PALM2AKAP2: variants seen among roughly 807,000 people sequenced by gnomAD.
PALM2AKAP2 encodes PALM2-AKAP2 fusion protein.
PALM2AKAP2 carries 37 observed loss-of-function variants against 71.5 expected under a neutral mutation model. That is an observed-to-expected ratio of 0.52 (90% confidence interval 0.40 to 0.68). PALM2AKAP2 has a LOEUF of 0.68. Among genes scored for constraint, PALM2AKAP2 ranks in the 30% least tolerant of loss-of-function variants. The probability of loss-of-function intolerance (pLI) is 0.00; values close to 1 mark genes in which losing one functional copy is unlikely to be tolerated. For missense variants in PALM2AKAP2, 1,224 were observed against 1,191.8 expected, an observed-to-expected ratio of 1.03 and a Z score of -0.40; for synonymous variants, 468 against 478.8, an observed-to-expected ratio of 0.98 and a Z score of 0.29.
chr9:109,946,349 C>A (rs1357364358), intron 6 of PALM2AKAP2: 1 of 152,096 alleles, frequency 6.6e-6, no homozygotes, highest in African/African-American at 2.4e-5. Flanking sequence ...AATTGCAAAA[C>A]CATGATCTTT....
intron 3 of PALM2AKAP2, among the ~76,000 whole-genome samples, chr9:109,910,445 T>C (rs1482462604): frequency 2.0e-5 from 3 of 152,134 alleles, no homozygotes; most frequent in Admixed American, 2.0e-4. Context: ...AGGCTGGACA[T>C]GAGTAGCCAA....
At chr9:109,693,473 C>T (rs1305992474) in intron 1 of PALM2AKAP2, among the ~76,000 whole-genome samples, 2 of 151,762 alleles carry the variant, frequency 1.3e-5, no homozygotes, top group Admixed American at 6.6e-5. Context: ...ATCTTTATTA[C>T]TTCCTTTCTT....
chr9:110,056,376 CATT>C (rs1833841634), intron 1 of PALM2AKAP2, among the ~76,000 whole-genome samples: 1 of 152,206 alleles, frequency 6.6e-6, no homozygotes, highest in Admixed American at 6.5e-5. Context: ...AGAAAGACAT[CATT>C]GTTTAGCCAT....
intron 2 of PALM2AKAP2, among the ~76,000 whole-genome samples, chr9:110,149,104 G>A (rs563455463): frequency 3.9e-5 from 6 of 152,304 alleles, no homozygotes; most frequent in Middle Eastern, 3.4e-3. Flanking sequence ...CACAGCCAAG[G>A]CATGGCTTGC....
intron 5 of PALM2AKAP2, among the ~76,000 whole-genome samples, chr9:109,929,221 C>G (rs1250602325): frequency 1.3e-5 from 2 of 148,342 alleles, no homozygotes; most frequent in East Asian, 4.2e-4. Context: ...AGTATGCAGA[C>G]ACACATGTGA....
At chr9:109,871,501 A>G (rs898423566) in intron 2 of PALM2AKAP2, among the ~76,000 whole-genome samples, 1 of 152,206 alleles carries the variant, frequency 6.6e-6, no homozygotes, top group Non-Finnish European at 1.5e-5. Context: ...GAAAGAATGT[A>G]TAATCATTGC....
chr9:109,742,886 A>C (rs1257979521), intron 1 of PALM2AKAP2, among the ~76,000 whole-genome samples: 1 of 151,902 alleles, frequency 6.6e-6, no homozygotes, highest in Non-Finnish European at 1.5e-5. Context: ...AAAAAATCTC[A>C]CCACAGCCAC....
intron 1 of PALM2AKAP2, among the ~76,000 whole-genome samples, chr9:109,839,020 T>C (rs1828573197): frequency 6.6e-6 from 1 of 152,082 alleles, no homozygotes; most frequent in African/African-American, 2.4e-5. Context: ...AGGGAATCCT[T>C]CCTAACTCAT....
At chr9:109,656,303 C>G (rs1223797931) in intron 1 of PALM2AKAP2, among the ~76,000 whole-genome samples, 1 of 152,158 alleles carries the variant, frequency 6.6e-6, no homozygotes, top group Admixed American at 6.5e-5. Flanking sequence ...GAGGCTAGGT[C>G]AGCCAGACCT....
At chr9:109,907,036 A>G (rs1052848177) in intron 3 of PALM2AKAP2, among the ~76,000 whole-genome samples, 2 of 152,108 alleles carry the variant, frequency 1.3e-5, no homozygotes, top group Non-Finnish European at 2.9e-5. Flanking sequence ...CCATGTTATC[A>G]TCCTAGCTTG....
At chr9:110,138,082 C>T (rs758590924) in exon 2 of PALM2AKAP2, 9 of 1,608,436 alleles carry the variant, frequency 5.6e-6, no homozygotes, top group Middle Eastern at 1.7e-4. Flanking sequence ...CTGCGGCTTT[C>T]GGCTCAGAAA....
chr9:109,883,414 G>T lies in PALM2AKAP2; in HGVS notation c.257+2733G>T, dbSNP rs187214285. On this transcript the variant is annotated intron_variant, in intron 3 of 9. Transcript: ENST00000302798. ...ATGACTTTGGGCCAAATGGGCACTG[G>T]ATGTGTGCTGAGATGAGCTGTGCTC... Among the ~76,000 whole-genome samples, 277 of 152,258 alleles carry T rather than the reference G, an allele frequency of 1.8e-3. 3 individuals carry two copies. The highest frequency in any genetic ancestry group is 6.3e-3 in the African/African-American group (263 of 41,548).
chr9:110,112,802 T>C (rs1036329615), intron 1 of PALM2AKAP2, among the ~76,000 whole-genome samples: 29 of 152,236 alleles, frequency 1.9e-4, no homozygotes, highest in African/African-American at 7.0e-4. Flanking sequence ...TAAAACTCTC[T>C]GAACCTTGGT....
intron 3 of PALM2AKAP2, among the ~76,000 whole-genome samples, chr9:109,907,947 G>A (rs778855838): frequency 6.6e-5 from 10 of 152,154 alleles, no homozygotes; most frequent in East Asian, 1.9e-4. Flanking sequence ...TCTACCTTCC[G>A]GATAGATATC....
At chr9:110,112,705 G>T (rs1835278676) in intron 1 of PALM2AKAP2, among the ~76,000 whole-genome samples, 1 of 152,218 alleles carries the variant, frequency 6.6e-6, no homozygotes, top group Non-Finnish European at 1.5e-5. Flanking sequence ...CAAGAGGCAA[G>T]ATAGTGGTTA....
intron 2 of PALM2AKAP2, among the ~76,000 whole-genome samples, chr9:109,873,641 G>A (rs1049498476): frequency 6.6e-6 from 1 of 152,172 alleles, no homozygotes; most frequent in Non-Finnish European, 1.5e-5. Context: ...TTTATAGTGA[G>A]GGTAAGGAAG....
At chr9:109,870,258 A>G (rs914809121) in intron 2 of PALM2AKAP2, among the ~76,000 whole-genome samples, 1 of 152,188 alleles carries the variant, frequency 6.6e-6, no homozygotes, top group Non-Finnish European at 1.5e-5. Flanking sequence ...GAAGGATATG[A>G]TCACTTTAGG....
intron 1 of PALM2AKAP2, among the ~76,000 whole-genome samples, chr9:110,119,358 A>T (rs1835436225): frequency 6.6e-6 from 1 of 150,852 alleles, no homozygotes; most frequent in Non-Finnish European, 1.5e-5. Context: ...AAAAAAAAAA[A>T]AAGAAAAGAA....
chr9:109,909,384 C>T (rs374412696), intron 3 of PALM2AKAP2, among the ~76,000 whole-genome samples: 62 of 152,238 alleles, frequency 4.1e-4, no homozygotes, highest in African/African-American at 1.3e-3. Context: ...AGAACTGAGC[C>T]GGAAGGTCTG....
Sources: gnomAD v4.1 joint callset for allele counts (sites outside exome capture counted in the v4.1 genomes callset) on GRCh38, gnomAD v4.1.1 for gene constraint, MANE v1.5 for transcripts, NCBI Gene and HGNC (gene_info 2026-07-23, HGNC 2026-07-21) for gene names.